Variants in MAGI2 observed in about 807,000 individuals in gnomAD.
MAGI2 encodes membrane-associated guanylate kinase, WW and PDZ domain-containing protein 2.
In MAGI2, 35 loss-of-function variants were observed where a neutral mutation model predicts 133.3. That is an observed-to-expected ratio of 0.26 (90% confidence interval 0.20 to 0.35). The LOEUF (loss-of-function observed/expected upper bound fraction) is 0.35, where lower values mean the gene tolerates loss of function less well. Ranked by LOEUF, MAGI2 falls within the 10% of genes least tolerant of loss-of-function variation. MAGI2 has a pLI of 1.00. For synonymous variants in MAGI2, 729 were observed against 710.6 expected, an observed-to-expected ratio of 1.03 and a Z score of -0.41; for missense variants, 1,636 against 1,863.4, an observed-to-expected ratio of 0.88 and a Z score of 2.25.
At chr7:78,804,762 A>ACAAAAACAAACAAAC (rs1366000995) in intron 2 of MAGI2, among the ~76,000 whole-genome samples, 5 of 142,206 alleles carry the variant, frequency 3.5e-5, no homozygotes, top group African/African-American at 1.3e-4. Flanking sequence ...AAAAAAAAAA[A>ACAAAAACAAACAAAC]AAAAAAAAAA....
intron 6 of MAGI2, among the ~76,000 whole-genome samples, chr7:78,478,349 C>T (rs557022223): frequency 5.3e-5 from 8 of 151,870 alleles, no homozygotes; most frequent in South Asian, 2.1e-4. Context: ...CTAGTTTAAG[C>T]GTCTTGTGGT....
At chr7:79,345,452 T>G (rs532091221) in intron 1 of MAGI2, among the ~76,000 whole-genome samples, 4 of 152,164 alleles carry the variant, frequency 2.6e-5, no homozygotes, top group African/African-American at 9.6e-5. Flanking sequence ...TTTCTGTTGT[T>G]TAAGCCACTC....
intron 9 of MAGI2, chr7:78,285,662 C>T (rs1226639469): frequency 6.6e-6 from 1 of 152,182 alleles, no homozygotes; most frequent in Non-Finnish European, 1.5e-5. Context: ...TCTCTGTGCT[C>T]TAAGCTCAGC....
chr7:78,216,051 G>A (rs1687709570), intron 10 of MAGI2, among the ~76,000 whole-genome samples: 1 of 152,208 alleles, frequency 6.6e-6, no homozygotes, highest in African/African-American at 2.4e-5. Flanking sequence ...AGAGATCAAG[G>A]TGGAGAAAAT....
intron 1 of MAGI2, among the ~76,000 whole-genome samples, chr7:79,165,191 T>A (rs79409405): frequency 6.6e-6 from 1 of 151,602 alleles, no homozygotes; most frequent in East Asian, 1.9e-4. Flanking sequence ...TTTTTTTTTT[T>A]AATTCTCAGT....
At chr7:79,183,741 T>C (rs1326210641) in intron 1 of MAGI2, among the ~76,000 whole-genome samples, 1 of 151,890 alleles carries the variant, frequency 6.6e-6, no homozygotes, top group Non-Finnish European at 1.5e-5. Context: ...AACTTAAGTG[T>C]CCATCAGTAG....
chr7:78,181,654 A>C (rs745789842), intron 13 of MAGI2, among the ~76,000 whole-genome samples: 1 of 152,194 alleles, frequency 6.6e-6, no homozygotes, highest in Non-Finnish European at 1.5e-5. Context: ...TCCTCTTCCT[A>C]GATGGAATTT....
chr7:79,120,125 C>T (rs1393873812), intron 1 of MAGI2, among the ~76,000 whole-genome samples: 4 of 152,046 alleles, frequency 2.6e-5, no homozygotes, highest in African/African-American at 9.7e-5. Context: ...ACTTTAGGAA[C>T]ATCTGGAGAA....
At chr7:79,446,226 T>G (rs1235194268) in intron 1 of MAGI2, among the ~76,000 whole-genome samples, 1 of 152,086 alleles carries the variant, frequency 6.6e-6, no homozygotes, top group Non-Finnish European at 1.5e-5. Flanking sequence ...AAATGACAAG[T>G]TAATGGGTGT....
chr7:78,141,833 A>G (rs929843681), intron 16 of MAGI2, among the ~76,000 whole-genome samples: 1 of 152,178 alleles, frequency 6.6e-6, no homozygotes, highest in Admixed American at 6.5e-5. Flanking sequence ...TTGGGAACCC[A>G]ACTGAACTCA....
intron 1 of MAGI2, chr7:79,176,836 C>G (rs972316760): frequency 6.6e-6 from 1 of 151,454 alleles, no homozygotes; most frequent in African/African-American, 2.4e-5. Context: ...AAATGACACA[C>G]TCAATGTACT....
At chr7:78,255,137 G>A (rs1792835189) in intron 10 of MAGI2, 1 of 152,340 alleles carries the variant, frequency 6.6e-6, no homozygotes, top group African/African-American at 2.4e-5. Context: ...GTCATCCAGA[G>A]CAAAGCAGCA....
chr7:78,933,232 A>G (rs961651916), intron 2 of MAGI2, among the ~76,000 whole-genome samples: 35 of 152,128 alleles, frequency 2.3e-4, no homozygotes, highest in African/African-American at 8.4e-4. Context: ...ATTAAAAATA[A>G]TGTTTATGCT....
At chr7:78,635,864 C>G (rs1303325288) in intron 2 of MAGI2, among the ~76,000 whole-genome samples, 1 of 152,240 alleles carries the variant, frequency 6.6e-6, no homozygotes, top group African/African-American at 2.4e-5. Context: ...AATTTTTACA[C>G]AACCAGCCTA....
chr7:78,482,109 A>G (rs1454943906), intron 6 of MAGI2, among the ~76,000 whole-genome samples: 1 of 151,990 alleles, frequency 6.6e-6, no homozygotes, highest in African/African-American at 2.4e-5. Context: ...TTTGCCACTA[A>G]TTAGGATATA....
chr7:78,713,980 ACT>A (rs1468030028), intron 2 of MAGI2, among the ~76,000 whole-genome samples: 2 of 147,236 alleles, frequency 1.4e-5, no homozygotes, highest in African/African-American at 5.0e-5. Flanking sequence ...GGGTAAGCAA[ACT>A]CTGTTACTGC....
intron 1 of MAGI2, among the ~76,000 whole-genome samples, chr7:79,246,130 A>C (rs2129555344): frequency 6.6e-6 from 1 of 152,360 alleles, no homozygotes; most frequent in East Asian, 1.9e-4. Context: ...AACTTAGATC[A>C]TAACACACAT....
At chr7:78,641,237 T>C (rs560224794) in intron 2 of MAGI2, among the ~76,000 whole-genome samples, 2 of 152,184 alleles carry the variant, frequency 1.3e-5, no homozygotes, top group Non-Finnish European at 2.9e-5. Context: ...AATGGACTAA[T>C]ATAGTACATA....
At chr7:79,135,576 T>C (rs1430942881) in intron 1 of MAGI2, among the ~76,000 whole-genome samples, 4 of 152,132 alleles carry the variant, frequency 2.6e-5, no homozygotes, top group South Asian at 4.1e-4. Flanking sequence ...CTGCTTCCCC[T>C]GCCTGTTGCT....
Sources: gnomAD v4.1 joint callset for allele counts (sites outside exome capture counted in the v4.1 genomes callset) on GRCh38, gnomAD v4.1.1 for gene constraint, MANE v1.5 for transcripts, NCBI Gene and HGNC (gene_info 2026-07-23, HGNC 2026-07-21) for gene names.